Variants in SYNE3 observed in about 807,000 individuals in gnomAD.
The protein encoded by SYNE3 is nesprin-3.
A neutral mutation model predicts 111.2 loss-of-function variants in SYNE3; 100 were observed. That is an observed-to-expected ratio of 0.90 (90% CI 0.77 to 1.06). The LOEUF (loss-of-function observed/expected upper bound fraction) is 1.06, where lower values mean the gene tolerates loss of function less well. Among genes scored for constraint, SYNE3 ranks in the 50% least tolerant of loss-of-function variants. The pLI, the probability that SYNE3 is intolerant of heterozygous loss-of-function variation, is 0.00. For missense variants in SYNE3, 1,160 were observed against 1,240.3 expected (o/e 0.94, Z 0.97); for synonymous variants, 547 against 533.9 (o/e 1.02, Z -0.34).
At chr14:95,479,065 C>T (rs912294182) in intron 1 of SYNE3, among the ~76,000 whole-genome samples, 1 of 152,040 alleles carries the variant, frequency 6.6e-6, no homozygotes, top group South Asian at 2.1e-4. Context: ...TCCATATTCT[C>T]ATCTGGAAAA....
intron 16 of SYNE3, 63 bp downstream of exon 16, chr14:95,433,197 C>G (rs1470449054): frequency 1.7e-5 from 27 of 1,574,258 alleles, no homozygotes; most frequent in Non-Finnish European, 2.2e-5. Context: ...TATCCCCAGG[C>G]AAATACGGCC....
intron 1 of SYNE3, among the ~76,000 whole-genome samples, chr14:95,497,767 A>G (rs947775526): frequency 1.3e-5 from 2 of 152,156 alleles, no homozygotes; most frequent in African/African-American, 4.8e-5. Flanking sequence ...CTGCGTTCCA[A>G]CAAAACTTTA....
At chr14:95,507,289 G>A (rs984893362) in intron 1 of SYNE3, among the ~76,000 whole-genome samples, 1 of 152,184 alleles carries the variant, frequency 6.6e-6, no homozygotes, top group African/African-American at 2.4e-5. Context: ...CCTAGTTCGT[G>A]TCCACCTCAG....
In SYNE3 at chr14:95,455,560, CT is replaced by C. The variant is rs1237007503; in HGVS notation, c.953del (p.Glu318GlyfsTer82). 6.2e-7 allele frequency: 1 copy of C among 1,614,126 alleles called. No individual in the cohort carries two copies. The highest frequency in any genetic ancestry group is 1.7e-5 in the Admixed American group (1 of 60,032). ...VLEKLRALWE[E>X]EEERLRGLLR... Reference sequence around the variant, plus strand: ...GCAGGCCCCGCAGCCGCTCCTCCTCCTCCTCCCAGAGGGCGCGCAGCTTCTC... The same window carrying C: ...GCAGGCCCCGCAGCCGCTCCTCCTCCCCTCCCAGAGGGCGCGCAGCTTCTC... On this transcript the variant is annotated frameshift_variant, in exon 6 of 18. Transcript: ENST00000682763. LOFTEE classifies it high-confidence loss of function.
chr14:95,477,278 G>A (rs1342869985), intron 1 of SYNE3, among the ~76,000 whole-genome samples: 1 of 152,166 alleles, frequency 6.6e-6, no homozygotes, highest in African/African-American at 2.4e-5. Context: ...CCCCTTCCAG[G>A]CCTGGCTTTT....
chr14:95,428,881 G>C, intron 17 of SYNE3, among the ~76,000 whole-genome samples: 1 of 152,184 alleles, frequency 6.6e-6, no homozygotes, highest in East Asian at 1.9e-4. Flanking sequence ...CTTGGAGCAT[G>C]GAGGGAGGAA....
At chr14:95,435,774 T>C (rs955317010) in intron 15 of SYNE3, among the ~76,000 whole-genome samples, 6 of 152,136 alleles carry the variant, frequency 3.9e-5, no homozygotes, top group Non-Finnish European at 7.4e-5. Flanking sequence ...TAGGGCCTGG[T>C]TGAGAATGGC....
chr14:95,467,254 G>C (rs2139480222), intron 3 of SYNE3, among the ~76,000 whole-genome samples: 1 of 152,178 alleles, frequency 6.6e-6, no homozygotes, highest in Non-Finnish European at 1.5e-5. Flanking sequence ...CCTCGCTCTT[G>C]ATATTTGCTA....
At position 95,432,135 on chromosome 14, in the gene SYNE3, G is replaced by A. The variant is rs2139372148; in HGVS notation, c.2689-18C>T. The A allele has an allele frequency of 6.2e-7, 1 of 1,607,634 alleles. No homozygotes were observed. The highest frequency in any genetic ancestry group is 2.2e-5 in the East Asian group (1 of 44,738). ...CTTTGTGTCTGTTATTTTAGGGAAG[G>A]AGAGGAAAAGGGGGGAAAAAAATAA... On this transcript the variant is annotated intron_variant, in intron 16 of 17. Coordinates refer to ENST00000682763, the MANE Select transcript of SYNE3 (RefSeq NM_152592.6).
intron 1 of SYNE3, among the ~76,000 whole-genome samples, chr14:95,496,863 T>C (rs1166197061): frequency 6.6e-6 from 1 of 152,198 alleles, no homozygotes; most frequent in Non-Finnish European, 1.5e-5. Context: ...CTTCCAGCCA[T>C]GAAGCAGCAC....
At chr14:95,462,508 C>T (rs564671120) in intron 4 of SYNE3, among the ~76,000 whole-genome samples, 50 of 152,364 alleles carry the variant, frequency 3.3e-4, no homozygotes, top group African/African-American at 1.1e-3. Flanking sequence ...CAAGGGCTTC[C>T]ACCATGGAGG....
At position 95,433,425 on chromosome 14, in the gene SYNE3, G is replaced by C; in HGVS notation, c.2539-16C>G. The C allele has an allele frequency of 6.2e-7, 1 of 1,613,004 alleles. No individual in the cohort carries two copies. Among genetic ancestry groups the C allele is most frequent in the Non-Finnish European group, 8.5e-7 (1 of 1,179,314 alleles). On this transcript the variant is annotated splice_polypyrimidine_tract_variant and intron_variant, in intron 15 of 17. Transcript: ENST00000682763. ...CCTCCAGCTCCTGGGGGAAACAGCA[G>C]CGTCATGGTGCGGCTTCCAAATGGC...
At chr14:95,504,795 A>G (rs1174343723) in intron 1 of SYNE3, among the ~76,000 whole-genome samples, 1 of 151,730 alleles carries the variant, frequency 6.6e-6, no homozygotes, top group Non-Finnish European at 1.5e-5. Context: ...AGCCTGAACA[A>G]CATAGCAAGA....
At chr14:95,505,353 A>G (rs1368584819) in intron 1 of SYNE3, among the ~76,000 whole-genome samples, 1 of 152,198 alleles carries the variant, frequency 6.6e-6, no homozygotes, top group Admixed American at 6.5e-5. Flanking sequence ...GTAAAGCCAC[A>G]CCGGGAAACC....
At chr14:95,438,815 TGGC>T in intron 14 of SYNE3, 1 of 570,008 alleles carries the variant, frequency 1.8e-6, no homozygotes, top group Non-Finnish European at 3.0e-6. Flanking sequence ...CCTGGTGGCC[TGGC>T]TCTGCAGACT....
At chr14:95,462,275 G>C (rs929238966) in intron 4 of SYNE3, among the ~76,000 whole-genome samples, 13 of 152,206 alleles carry the variant, frequency 8.5e-5, no homozygotes, top group African/African-American at 3.1e-4. Flanking sequence ...AACACCTCCA[G>C]GGTACACCAC....
At chr14:95,494,118 A>G (rs1889974436) in intron 1 of SYNE3, among the ~76,000 whole-genome samples, 2 of 148,338 alleles carry the variant, frequency 1.3e-5, no homozygotes, top group Admixed American at 1.4e-4. Context: ...CTGGGCAACA[A>G]AGTGAGACCC....
rs1479418046 is a variant in SYNE3, at chr14:95,455,666, G to C, written c.848C>G (p.Ser283Cys). The change falls in exon 6 of 18, where the codon TCT becomes TGT. Residue 283 changes from serine to cysteine, a missense_variant. By Grantham distance (112) the Ser-to-Cys change is moderately radical. Transcript: ENST00000682763. Reference protein sequence around the residue: ...EESLETLEEQSAGVIRNTSPL... With the variant: ...EESLETLEEQCAGVIRNTSPL... ...AGAGGTGTTCCGAATGACACCCGCAGACTGCTCCTCCAGCGTCTCCAGAGA... is the reference window on the plus strand; with the variant it reads ...AGAGGTGTTCCGAATGACACCCGCACACTGCTCCTCCAGCGTCTCCAGAGA... The C allele has an allele frequency of 6.2e-7, 1 of 1,614,096 alleles. No homozygotes were observed. The highest frequency in any genetic ancestry group is 8.5e-7 in the Non-Finnish European group (1 of 1,180,052).
At chr14:95,437,420 C>CCTGG (rs1851307953) in intron 14 of SYNE3, among the ~76,000 whole-genome samples, 1 of 152,232 alleles carries the variant, frequency 6.6e-6, no homozygotes, top group African/African-American at 2.4e-5. Flanking sequence ...GTCCTCTGAG[C>CCTGG]CTGGGCCTGC....
Sources: allele counts gnomAD v4.1 joint callset (sites outside exome capture counted in the v4.1 genomes callset), GRCh38; gene constraint gnomAD v4.1.1; transcripts MANE v1.5; gene names NCBI Gene and HGNC (gene_info 2026-07-23, HGNC 2026-07-21).